The following GCNT2 variants were observed in gnomAD, a reference collection of about 807,000 sequenced individuals.
GCNT2 encodes the protein glucosaminyl (N-acetyl) transferase 2 (I blood group), also known as N-acetyllactosaminide beta-1,6-N-acetylglucosaminyl-transferase.
A neutral mutation model predicts 34.2 loss-of-function variants in GCNT2; 34 were observed. The observed-to-expected ratio is 1.00, with a 90% CI of 0.76 to 1.32. The LOEUF (loss-of-function observed/expected upper bound fraction) is 1.32, where lower values mean the gene tolerates loss of function less well. GCNT2 is among the 40% of genes most tolerant of loss of function. GCNT2 has a pLI of 0.00. For missense variants in GCNT2, 584 were observed against 489.4 expected, an observed-to-expected ratio of 1.19 and a Z score of -1.82; for synonymous variants, 212 against 188.0, an observed-to-expected ratio of 1.13 and a Z score of -1.04.
intron 3 of GCNT2, chr6:10,556,888 AC>A: frequency 6.2e-7 from 1 of 1,614,124 alleles, no homozygotes; most frequent in Non-Finnish European, 8.5e-7. Context: ...CCAAGATGGA[AC>A]CCGTTGTCTA....
intron 3 of GCNT2, among the ~76,000 whole-genome samples, chr6:10,550,175 TC>T (rs1762424032): frequency 6.6e-6 from 1 of 152,082 alleles, no homozygotes; most frequent in Admixed American, 6.6e-5. Flanking sequence ...TGTCTCAGCC[TC>T]CCGAGTATCT....
In GCNT2 at chr6:10,557,181, C is replaced by A. The variant is rs766359774; in HGVS notation, c.925+27345C>A. On this transcript the variant is annotated intron_variant, in intron 3 of 4. Transcript: ENST00000495262. ...ACAACAGCGTTGAAACCGCCTCCCCCCCATAATCTCACAATTTACTTTGGC... is the reference window on the plus strand; with the variant it reads ...ACAACAGCGTTGAAACCGCCTCCCCACCATAATCTCACAATTTACTTTGGC... 173 of 1,552,800 alleles carry A rather than the reference C, an allele frequency of 1.1e-4. No individual in the cohort carries two copies. In the Middle Eastern group the frequency reaches 3.1e-3, roughly 28 times the overall value.
At chr6:10,557,269 T>A (rs1371788999) in intron 3 of GCNT2, 1 of 1,612,238 alleles carries the variant, frequency 6.2e-7, no homozygotes, top group Non-Finnish European at 8.5e-7. Flanking sequence ...CACGGGCTGT[T>A]GATTTGCTCC....
At chr6:10,586,712 CT>C (rs752836717) in intron 3 of GCNT2, 14 of 1,613,884 alleles carry the variant, frequency 8.7e-6, no homozygotes, top group Non-Finnish European at 1.2e-5. Flanking sequence ...ATAAAGGTGG[CT>C]TTTTTGTGAA....
chr6:10,533,306 A>C (rs1198588781), intron 3 of GCNT2, among the ~76,000 whole-genome samples: 1 of 152,102 alleles, frequency 6.6e-6, no homozygotes, highest in Non-Finnish European at 1.5e-5. Flanking sequence ...ACTCCATCTC[A>C]GAAATAAAAA....
intron 3 of GCNT2, among the ~76,000 whole-genome samples, chr6:10,545,629 A>C (rs1762235440): frequency 6.6e-6 from 1 of 152,156 alleles, no homozygotes; most frequent in Non-Finnish European, 1.5e-5. Context: ...ATGAAGGGTA[A>C]ATCAGTCACC....
At chr6:10,576,212 G>A (rs1313868346) in intron 3 of GCNT2, among the ~76,000 whole-genome samples, 1 of 152,168 alleles carries the variant, frequency 6.6e-6, no homozygotes, top group Non-Finnish European at 1.5e-5. Flanking sequence ...AAACAACTTC[G>A]TGACATGAAG....
chr6:10,524,251 C>CTT (rs77144347), intron 1 of GCNT2, among the ~76,000 whole-genome samples: 11 of 131,580 alleles, frequency 8.4e-5, no homozygotes, highest in East Asian at 2.3e-4. Flanking sequence ...TAATCCAGGG[C>CTT]TTTTTTTTTT....
intron 3 of GCNT2, among the ~76,000 whole-genome samples, chr6:10,600,273 GCATATCAATATTA>G (rs1347619946): frequency 3.9e-5 from 6 of 152,264 alleles, no homozygotes; most frequent in Middle Eastern, 3.4e-3. Flanking sequence ...GGAAAAGAGT[GCATATCAATATTA>G]CATCAAAGTC....
chr6:10,596,474 T>C (rs1764856573), intron 3 of GCNT2, among the ~76,000 whole-genome samples: 1 of 151,986 alleles, frequency 6.6e-6, no homozygotes, highest in African/African-American at 2.4e-5. Flanking sequence ...TGAGCTGAGA[T>C]TGCGCCACTG....
chr6:10,628,132 A>T lies in GCNT2; in HGVS notation c.*1525A>T, dbSNP rs1766346222. ...GGATTTACTGAGAGAAGGTGAAATAAAGCCATATTTAGTATACCAGAGAAG... is the reference window on the plus strand; with the variant it reads ...GGATTTACTGAGAGAAGGTGAAATATAGCCATATTTAGTATACCAGAGAAG... On this transcript the variant is annotated 3_prime_UTR_variant, in exon 5 of 5. Coordinates refer to ENST00000495262, the MANE Select transcript of GCNT2 (RefSeq NM_145649.5). The T allele has an allele frequency of 6.6e-6, 1 of 152,640 alleles. No individual in the cohort carries two copies. The highest frequency in any genetic ancestry group is 1.5e-5 in the Non-Finnish European group (1 of 68,046). 9.5% of individuals were successfully genotyped at this position (152,640 alleles called of 1,614,324 possible).
chr6:10,531,074 C>T lies in GCNT2; in HGVS notation c.925+1238C>T, dbSNP rs1761466023. On this transcript the variant is annotated intron_variant, in intron 3 of 4. Coordinates refer to ENST00000495262, the MANE Select transcript of GCNT2 (RefSeq NM_145649.5). ...AAAAAAAAAGATTTCTAGACTAGTA[C>T]CTCCATTTTATAGATGAAGAAACTT... is the stretch of plus-strand genomic sequence containing the variant. 4.0e-5 allele frequency among the ~76,000 whole-genome samples: 6 copies of T among 151,450 alleles called. No individual in the cohort carries two copies. In the South Asian group the frequency reaches 6.3e-4, roughly 16 times the overall value.
chr6:10,569,345 C>T (rs1399712974), intron 3 of GCNT2, among the ~76,000 whole-genome samples: 1 of 151,702 alleles, frequency 6.6e-6, no homozygotes, highest in East Asian at 1.9e-4. Context: ...TTTTCTGAGA[C>T]AGGGTCTCAC....
chr6:10,522,114 C>G (rs1181079232), intron 1 of GCNT2, among the ~76,000 whole-genome samples: 1 of 151,962 alleles, frequency 6.6e-6, no homozygotes, highest in Admixed American at 6.6e-5. Context: ...TCTCAAACTC[C>G]TGACTCCATG....
intron 3 of GCNT2, among the ~76,000 whole-genome samples, chr6:10,567,926 A>C (rs1581419068): frequency 6.6e-6 from 1 of 152,242 alleles, no homozygotes; most frequent in Admixed American, 6.5e-5. Context: ...TCACTGAGAA[A>C]GTTGAATGTA....
rs1394341082 is a variant in GCNT2 at position 10,627,359 on chromosome 6, T to C, written c.*752T>C. On this transcript the variant is annotated 3_prime_UTR_variant, in exon 5 of 5. Coordinates refer to ENST00000495262, the MANE Select transcript of GCNT2 (RefSeq NM_145649.5). Reference sequence around the variant, plus strand: ...AAAAGTCCTTGCAAGAATGGAGATATGCATTCAAGAGAGGTGCTATCACAT... The same window carrying C: ...AAAAGTCCTTGCAAGAATGGAGATACGCATTCAAGAGAGGTGCTATCACAT... The C allele has an allele frequency of 2.0e-5, 3 of 152,256 alleles. No individual in the cohort carries two copies. Among genetic ancestry groups the C allele is most frequent in the South Asian group, 2.1e-4 (1 of 4,830 alleles). 9.4% of individuals were successfully genotyped at this position (152,256 alleles called of 1,614,324 possible). A position where few individuals can be genotyped will look rare whatever the true frequency, so the allele number is the denominator to read the frequency against.
chr6:10,536,977 G>T (rs1163135518), intron 3 of GCNT2, among the ~76,000 whole-genome samples: 1 of 152,058 alleles, frequency 6.6e-6, no homozygotes, highest in East Asian at 1.9e-4. Flanking sequence ...TGTTGGCCAG[G>T]CTGGTCTCGA....
chr6:10,599,748 T>C (rs1470097546), intron 3 of GCNT2, among the ~76,000 whole-genome samples: 1 of 152,170 alleles, frequency 6.6e-6, no homozygotes, highest in African/African-American at 2.4e-5. Flanking sequence ...ACTGCTAATC[T>C]CATGGTGGCA....
At chr6:10,567,414 G>A (rs541161340) in intron 3 of GCNT2, among the ~76,000 whole-genome samples, 4 of 152,164 alleles carry the variant, frequency 2.6e-5, no homozygotes, top group Admixed American at 6.5e-5. Flanking sequence ...CTAGGATGGC[G>A]CCACTGCATT....
Sources: allele counts gnomAD v4.1 joint callset (sites outside exome capture counted in the v4.1 genomes callset), GRCh38; gene constraint gnomAD v4.1.1; transcripts MANE v1.5; gene names NCBI Gene and HGNC (gene_info 2026-07-23, HGNC 2026-07-21).